RPIA: variants seen among roughly 807,000 people sequenced by gnomAD.
RPIA encodes the protein ribose 5-phosphate isomerase A.
A neutral mutation model predicts 37.8 loss-of-function variants in RPIA; 29 were observed. That is an observed-to-expected ratio of 0.77 (90% CI 0.57 to 1.05). RPIA has a LOEUF of 1.05. Among genes scored for constraint, RPIA ranks in the 50% least tolerant of loss-of-function variants. The pLI, the probability that RPIA is intolerant of heterozygous loss-of-function variation, is 0.00. For synonymous variants in RPIA, 167 were observed against 157.0 expected (o/e 1.06, Z -0.48); for missense variants, 385 against 413.6 (o/e 0.93, Z 0.60).
chr2:88,693,315 C>T (rs2104063743), intron 1 of RPIA, among the ~76,000 whole-genome samples: 1 of 152,328 alleles, frequency 6.6e-6, no homozygotes, highest in Non-Finnish European at 1.5e-5. Context: ...CAAGCCCTGA[C>T]CTTAGGCTAG....
At chr2:88,727,404 T>C (rs1415455576) in intron 3 of RPIA, among the ~76,000 whole-genome samples, 1 of 152,228 alleles carries the variant, frequency 6.6e-6, no homozygotes, top group East Asian at 1.9e-4. Context: ...ACTTTTACTT[T>C]TTTAAACTTT....
At chr2:88,694,222 C>T (rs1676982261) in intron 1 of RPIA, among the ~76,000 whole-genome samples, 1 of 152,256 alleles carries the variant, frequency 6.6e-6, no homozygotes, top group Non-Finnish European at 1.5e-5. Context: ...TTGGCAAGGG[C>T]ACTGATTTCC....
At chr2:88,735,937 C>T (rs1433239175) in intron 6 of RPIA, among the ~76,000 whole-genome samples, 200 bp downstream of exon 6, 1 of 152,234 alleles carries the variant, frequency 6.6e-6, no homozygotes, top group African/African-American at 2.4e-5. Flanking sequence ...AATCACAGCA[C>T]TGTTATCCGC....
intron 3 of RPIA, among the ~76,000 whole-genome samples, chr2:88,725,543 T>A (rs1373150196): frequency 6.6e-6 from 1 of 152,160 alleles, no homozygotes. Context: ...GCCTGCATGT[T>A]CACATGTTGT....
At chr2:88,740,979 T>G (rs1217456979) in intron 8 of RPIA, among the ~76,000 whole-genome samples, 2 of 152,250 alleles carry the variant, frequency 1.3e-5, no homozygotes, top group Non-Finnish European at 2.9e-5. Context: ...AACTCTTTGC[T>G]CTGCCTGTTG....
At chr2:88,710,192 G>C (rs1426310942) in intron 3 of RPIA, among the ~76,000 whole-genome samples, 1 of 152,140 alleles carries the variant, frequency 6.6e-6, no homozygotes, top group African/African-American at 2.4e-5. Flanking sequence ...GACTACAGGT[G>C]CATGCCACCA....
intron 1 of RPIA, among the ~76,000 whole-genome samples, chr2:88,696,499 TG>T: frequency 1.3e-5 from 2 of 151,398 alleles, no homozygotes; most frequent in East Asian, 1.9e-4. Context: ...TGTGTGTGTG[TG>T]GGGGGGCATT....
At chr2:88,738,611 T>C (rs1409537845) in intron 8 of RPIA, among the ~76,000 whole-genome samples, 3 of 152,190 alleles carry the variant, frequency 2.0e-5, no homozygotes, top group Non-Finnish European at 4.4e-5. Context: ...AAGCCATGCC[T>C]ACAAATAAGA....
At chr2:88,743,065 A>G (rs769531211) in intron 8 of RPIA, among the ~76,000 whole-genome samples, 9 of 152,012 alleles carry the variant, frequency 5.9e-5, no homozygotes, top group East Asian at 1.9e-4. Context: ...TAGGGCTTCA[A>G]TAGTATGTTG....
Position 88,729,272 on chromosome 2 carries a change from C to G in RPIA, c.403-6C>G, listed in dbSNP as rs757729245. 2 of 1,614,040 alleles carry G rather than the reference C, an allele frequency of 1.2e-6. No homozygotes were observed. The highest frequency in any genetic ancestry group is 1.3e-5 in the African/African-American group (1 of 74,928). On this transcript the variant is annotated splice_polypyrimidine_tract_variant and splice_region_variant and intron_variant, in intron 3 of 8. Coordinates refer to ENST00000283646, the MANE Select transcript of RPIA (RefSeq NM_144563.3). ...GATCGTGGTTGCTCTTCCCTGTCCT[C>G]CGCAGGCCCGCCAGCTCATCCTGCA... is the stretch of plus-strand genomic sequence containing the variant.
chr2:88,708,521 TATTA>T (rs1347030216), intron 3 of RPIA, among the ~76,000 whole-genome samples: 3 of 152,244 alleles, frequency 2.0e-5, no homozygotes, highest in Non-Finnish European at 4.4e-5. Flanking sequence ...AAGAATCTTT[TATTA>T]ATTTATTTTG....
chr2:88,694,722 A>G (rs1012106985), intron 1 of RPIA, among the ~76,000 whole-genome samples: 1 of 151,954 alleles, frequency 6.6e-6, no homozygotes, highest in African/African-American at 2.4e-5. Flanking sequence ...TCTGTCTTGG[A>G]GCTGGCTGTA....
intron 1 of RPIA, 42 bp downstream of exon 1, chr2:88,692,025 G>A: frequency 6.5e-7 from 1 of 1,543,234 alleles, no homozygotes; most frequent in African/African-American, 1.4e-5. Flanking sequence ...CATGTCCTTG[G>A]CGTGATGGGC....
Position 88,713,840 on chromosome 2 carries a change from T to A in RPIA, c.402+13776T>A, listed in dbSNP as rs145171425. Among the ~76,000 whole-genome samples, 535 of 152,268 alleles carry A rather than the reference T, an allele frequency of 3.5e-3. 2 individuals are homozygous for A. Among genetic ancestry groups the A allele is most frequent in the African/African-American group, 0.012 (518 of 41,570 alleles). On this transcript the variant is annotated intron_variant, in intron 3 of 8. Coordinates refer to ENST00000283646, the MANE Select transcript of RPIA (RefSeq NM_144563.3). ...CTTTCTTTGTTCTCATGTGTTCAGT[T>A]TCTAATAGCTCTTTTTTGTTTGTTT...
At chr2:88,729,603 C>G (rs1673241221) in intron 4 of RPIA, among the ~76,000 whole-genome samples, 1 of 152,166 alleles carries the variant, frequency 6.6e-6, no homozygotes, top group Non-Finnish European at 1.5e-5. Context: ...AGGGCTATAT[C>G]CAGGGCTTCC....
Position 88,691,930 on chromosome 2 carries a change from G to A in RPIA, c.232G>A (p.Ala78Thr). The A allele has an allele frequency of 1.9e-6, 3 of 1,598,214 alleles. No homozygotes were observed. Among genetic ancestry groups the A allele is most frequent in the Non-Finnish European group, 2.6e-6 (3 of 1,173,144 alleles). The change falls in exon 1 of 9, where the codon GCC becomes ACC. Residue 78 changes from alanine to threonine, a missense_variant. Physicochemically the swap from Ala to Thr is moderately conservative, Grantham distance 58. This residue lies in a region of RPIA where 232 missense variants were observed against 203.0 expected (regional missense o/e 1.14). Coordinates refer to ENST00000283646, the MANE Select transcript of RPIA (RefSeq NM_144563.3). ...ICPAPSTMSK[A>T]EEAKKLAGRA... The stretch of plus-strand genomic sequence containing the variant: ...CCCGGCCCCCTCCACGATGTCCAAG[G>A]CCGAGGAGGCCAAGAAGCTGGCGGG...
chr2:88,699,132 C>T (rs1447568366), intron 2 of RPIA, among the ~76,000 whole-genome samples: 3 of 152,240 alleles, frequency 2.0e-5, no homozygotes, highest in African/African-American at 7.2e-5. Context: ...TTCTAGGTGC[C>T]AAGGGGCAGA....
intron 8 of RPIA, among the ~76,000 whole-genome samples, chr2:88,740,648 C>T (rs1282393542): frequency 6.6e-6 from 1 of 152,140 alleles, no homozygotes; most frequent in Admixed American, 6.5e-5. Flanking sequence ...GAGTTCTTTC[C>T]CCTAGGTTCA....
At chr2:88,702,366 G>C (rs1194660363) in intron 3 of RPIA, among the ~76,000 whole-genome samples, 1 of 150,318 alleles carries the variant, frequency 6.7e-6, no homozygotes, top group Non-Finnish European at 1.5e-5. Flanking sequence ...TCATGCTGCT[G>C]ATAAAGACAT....
Sources: allele counts gnomAD v4.1 joint callset (sites outside exome capture counted in the v4.1 genomes callset), GRCh38; gene constraint gnomAD v4.1.1; regional missense constraint gnomAD v4.1.1; transcripts MANE v1.5; gene names NCBI Gene and HGNC (gene_info 2026-07-23, HGNC 2026-07-21).